The following MEP1B variants were observed in gnomAD, a reference collection of about 807,000 sequenced individuals.
MEP1B encodes the protein N-benzoyl-L-tyrosyl-P-amino-benzoic acid hydrolase subunit beta.
In MEP1B, 80 loss-of-function variants were observed where a neutral mutation model predicts 84.6. That is an observed-to-expected ratio of 0.95 (90% CI 0.79 to 1.14). MEP1B has a LOEUF of 1.14. Among genes scored for constraint, MEP1B ranks in the 50% most tolerant of loss-of-function variants. The pLI is 0.00. For synonymous variants in MEP1B, 273 were observed against 288.1 expected (o/e 0.95, Z 0.53); for missense variants, 766 against 855.1 (o/e 0.90, Z 1.30).
chr18:32,197,414 T>TTTG (rs1555705743), intron 5 of MEP1B, among the ~76,000 whole-genome samples: 2 of 150,968 alleles, frequency 1.3e-5, no homozygotes, highest in African/African-American at 4.9e-5. Flanking sequence ...TGTTTTTTTT[T>TTTG]TTTTGTTTTG....
At chr18:32,197,405 G>GTTT (rs34303503) in intron 5 of MEP1B, among the ~76,000 whole-genome samples, 1,666 of 142,146 alleles carry the variant, frequency 0.012, 37 homozygotes, top group African/African-American at 0.041. Flanking sequence ...TTTCATTTTT[G>GTTT]TTTTTTTTTT....
intron 1 of MEP1B, among the ~76,000 whole-genome samples, chr18:32,191,028 A>G (rs1295618648): frequency 6.6e-6 from 1 of 152,122 alleles, no homozygotes; most frequent in Non-Finnish European, 1.5e-5. Flanking sequence ...TTCACATTAT[A>G]TACTGTAACC....
rs1598887687 is a variant in MEP1B at position 32,196,790 on chromosome 18, G to A, written c.250+1305G>A. 2 of 658,660 alleles carry A rather than the reference G, an allele frequency of 3.0e-6. No individual in the cohort carries two copies. The highest frequency in any genetic ancestry group is 2.2e-5 in the Admixed American group (1 of 46,074). 40.8% of individuals were successfully genotyped at this position (658,660 alleles called of 1,614,324 possible). On this transcript the variant is annotated intron_variant, in intron 5 of 14. Coordinates refer to ENST00000269202, the MANE Select transcript of MEP1B (RefSeq NM_005925.3). The surrounding 1 kb of genome is among the most constrained non-coding windows in gnomAD (Gnocchi z 4.4). The stretch of plus-strand genomic sequence containing the variant: ...TTTCCTGGATGGTGTTGGGGTGCTC[G>A]ATGCCCATCACCCGCACGCTCATCA...
rs780265049 is a variant in MEP1B at position 32,208,177 on chromosome 18, G to T, written c.825G>T (p.Met275Ile). The change falls in exon 9 of 15, where the codon ATG (methionine) becomes ATT (isoleucine). Residue 275 changes from methionine (M) to isoleucine (I), a missense_variant. By Grantham distance (10) the Met-to-Ile change is conservative (BLOSUM62 1). Transcript: ENST00000269202. ...TTGAACTGGAAAATGTGTGTGGCAT[G>T]ATCCAAAGTTCAGGAGATAATGCTG... ...CSFELENVCGMIQSSGDNADW... is the reference protein window; with the variant it reads ...CSFELENVCGIIQSSGDNADW... 19 of 1,613,958 alleles carry T rather than the reference G, an allele frequency of 1.2e-5. No individual in the cohort carries two copies. Among genetic ancestry groups the T allele is most frequent in the Non-Finnish European group, 1.5e-5 (18 of 1,179,876 alleles).
At chr18:32,206,657 G>C (rs2040967952) in intron 7 of MEP1B, among the ~76,000 whole-genome samples, 1 of 151,814 alleles carries the variant, frequency 6.6e-6, no homozygotes, top group African/African-American at 2.4e-5. Flanking sequence ...TGTCACCTAG[G>C]CTGGAGTGCA....
intron 10 of MEP1B, 38 bp downstream of exon 10, chr18:32,210,754 G>A: frequency 6.4e-7 from 1 of 1,560,018 alleles, no homozygotes; most frequent in Non-Finnish European, 8.8e-7. Flanking sequence ...GATTTAAAAT[G>A]AGGCAATCTT....
intron 5 of MEP1B, among the ~76,000 whole-genome samples, chr18:32,200,256 T>C (rs2040898842): frequency 6.6e-6 from 1 of 152,138 alleles, no homozygotes; most frequent in Non-Finnish European, 1.5e-5. Flanking sequence ...GATCCTACCA[T>C]CCAAACTGTG....
chr18:32,207,527 TG>T lies in MEP1B; in HGVS notation c.766+58del, dbSNP rs1175195806. 4.2e-6 allele frequency: 5 copies of T among 1,200,966 alleles called. No homozygotes were observed. The East Asian group carries it at 7.5e-5, about 18-fold the overall frequency. 74.4% of individuals were successfully genotyped at this position (1,200,966 alleles called of 1,614,324 possible). On this transcript the variant is annotated intron_variant, in intron 8 of 14. Coordinates refer to ENST00000269202, the MANE Select transcript of MEP1B (RefSeq NM_005925.3). ...TTTTCCGCTGTTATGTAGGAAAAAA[TG>T]ATGGTCTGTGCCATTTTGTCAAGCA...
At chr18:32,193,633 T>C (rs1201428847) in intron 4 of MEP1B, among the ~76,000 whole-genome samples, 3 of 152,148 alleles carry the variant, frequency 2.0e-5, no homozygotes, top group African/African-American at 7.2e-5. Flanking sequence ...TAGTTTAAAA[T>C]ATATACACCA....
intron 9 of MEP1B, 74 bp from the exon 10 acceptor site, chr18:32,210,427 A>G: frequency 7.9e-7 from 1 of 1,272,904 alleles, no homozygotes; most frequent in Non-Finnish European, 1.1e-6. Flanking sequence ...TAAAGAATCT[A>G]GCACCACCAT....
chr18:32,208,613 C>T (rs1293277707), intron 9 of MEP1B, among the ~76,000 whole-genome samples: 2 of 152,188 alleles, frequency 1.3e-5, no homozygotes, highest in Non-Finnish European at 2.9e-5. Flanking sequence ...ACAAGAGACT[C>T]TTTCCAATGG....
rs2040853611 is a variant in MEP1B at position 32,196,309 on chromosome 18, G to A, written c.250+824G>A. 1.4e-6 allele frequency: 1 copy of A among 705,054 alleles called. No homozygotes were observed. Among genetic ancestry groups the A allele is most frequent in the East Asian group, 2.7e-5 (1 of 37,096 alleles). The allele number at this position is 705,054 out of a possible 1,614,324, so 43.7% of individuals were successfully genotyped here. ...GTTGAGGGGCGGGATGTTGTTGCTG[G>A]AGCCGTTGCGGTAGATCTCATGCAT... On this transcript the variant is annotated intron_variant, in intron 5 of 14. Coordinates refer to ENST00000269202, the MANE Select transcript of MEP1B (RefSeq NM_005925.3). The surrounding 1 kb of genome is among the most constrained non-coding windows in gnomAD (Gnocchi z 4.4).
chr18:32,191,108 T>C (rs1474818275), intron 1 of MEP1B, among the ~76,000 whole-genome samples: 4 of 152,056 alleles, frequency 2.6e-5, no homozygotes, highest in Admixed American at 2.0e-4. Flanking sequence ...GAAGGTGAAC[T>C]GAATTACCCT....
At chr18:32,209,854 T>C (rs1295450103) in intron 9 of MEP1B, among the ~76,000 whole-genome samples, 1 of 151,938 alleles carries the variant, frequency 6.6e-6, no homozygotes, top group Non-Finnish European at 1.5e-5. Flanking sequence ...CCTGGTTTCC[T>C]GGCTGGACTC....
At position 32,220,313 on chromosome 18, in the gene MEP1B, G is replaced by A. The variant is rs1194016328; in HGVS notation, c.*68G>A. Reference sequence around the variant, plus strand: ...ATTCTTCATCATGGATTTCGCCTAAGTGATATTACAGCCACCTCATTCTTC... The same window carrying A: ...ATTCTTCATCATGGATTTCGCCTAAATGATATTACAGCCACCTCATTCTTC... On this transcript the variant is annotated 3_prime_UTR_variant, in exon 15 of 15. Transcript: ENST00000269202. The A allele has an allele frequency of 2.8e-6, 4 of 1,429,068 alleles. No homozygotes were observed. The highest frequency in any genetic ancestry group is 3.9e-6 in the Non-Finnish European group (4 of 1,026,454). 88.5% of individuals were successfully genotyped at this position (1,429,068 alleles called of 1,614,324 possible).
chr18:32,195,924 C>T (rs983609318), intron 5 of MEP1B: 5 of 258,194 alleles, frequency 1.9e-5, no homozygotes, highest in African/African-American at 1.1e-4. Context: ...AGAAGAGGGC[C>T]TTGCTTCCTC....
chr18:32,204,508 T>TCA, intron 7 of MEP1B, 148 bp downstream of exon 7: 4 of 721,634 alleles, frequency 5.5e-6, no homozygotes, highest in Non-Finnish European at 9.1e-6. Flanking sequence ...CATTCTGAGT[T>TCA]ATTGGAGCAC....
chr18:32,214,484 T>C (rs1257931657), intron 11 of MEP1B, among the ~76,000 whole-genome samples: 3 of 152,204 alleles, frequency 2.0e-5, no homozygotes, highest in Non-Finnish European at 4.4e-5. Flanking sequence ...GGACTTGACA[T>C]TCAGAATTTC....
chr18:32,211,217 C>T (rs182488875), intron 10 of MEP1B, among the ~76,000 whole-genome samples: 12 of 152,034 alleles, frequency 7.9e-5, no homozygotes, highest in African/African-American at 2.9e-4. Context: ...GCAGTTGAGC[C>T]GAGATCATGC....
Sources: allele counts gnomAD v4.1 joint callset (sites outside exome capture counted in the v4.1 genomes callset), GRCh38; gene constraint gnomAD v4.1.1; non-coding constraint Gnocchi (gnomAD v3.1); transcripts MANE v1.5; gene names NCBI Gene and HGNC (gene_info 2026-07-23, HGNC 2026-07-21).